The following FANCA variants were observed in gnomAD, a reference collection of about 807,000 sequenced individuals.
The protein encoded by FANCA is Fanconi anemia group A protein.
A neutral mutation model predicts 194.3 loss-of-function variants in FANCA; 236 were observed. The ratio of observed to expected loss-of-function variants is 1.21; its 90% confidence interval spans 1.09 to 1.35. The LOEUF is 1.35. FANCA is among the 40% of genes most tolerant of loss of function. The probability of loss-of-function intolerance (pLI) is 0.00; values close to 1 mark genes in which losing one functional copy is unlikely to be tolerated. For missense variants in FANCA, 2,628 were observed against 1,813.9 expected (o/e 1.45, Z -8.15); for synonymous variants, 1,014 against 715.8 (o/e 1.42, Z -6.65).
In FANCA at chr16:89,768,937, G is replaced by A. The variant is rs868398905; in HGVS notation, c.2504+900C>T. The stretch of plus-strand genomic sequence containing the variant: ...CCCAGTACTCAGTGTTTGGGGCCTG[G>A]GGTGAGTGGGGACTGTCTGGTGTGG... On this transcript the variant is annotated intron_variant, in intron 26 of 42. Coordinates refer to ENST00000389301, the MANE Select transcript of FANCA (RefSeq NM_000135.4). Among the ~76,000 whole-genome samples the A allele has an allele frequency of 2.6e-5, 4 of 152,140 alleles. No homozygotes were observed. The Middle Eastern group carries it at 0.01, about 388-fold the overall frequency.
At chr16:89,789,840 T>C (rs2143512490) in intron 14 of FANCA, among the ~76,000 whole-genome samples, 1 of 152,244 alleles carries the variant, frequency 6.6e-6, no homozygotes, top group African/African-American at 2.4e-5. Flanking sequence ...ATATCTCAAA[T>C]ACACCCAACT....
Position 89,755,120 on chromosome 16 carries a change from T to C in FANCA, c.2982-2898A>G, listed in dbSNP as rs149085161. 1.5e-3 allele frequency among the ~76,000 whole-genome samples: 228 copies of C among 152,140 alleles called. 1 individual carries two copies. Among genetic ancestry groups the C allele is most frequent in the African/African-American group, 4.9e-3 (202 of 41,490 alleles). On this transcript the variant is annotated intron_variant, in intron 30 of 42. Transcript: ENST00000389301. ...ACTTTTGACAAGGGTGCCAAGACCA[T>C]TCAGTGGGGAAAGAAGTGTTTTCAA...
chr16:89,799,853 C>T (rs1451410919), intron 8 of FANCA, among the ~76,000 whole-genome samples: 2 of 152,170 alleles, frequency 1.3e-5, no homozygotes, highest in African/African-American at 2.4e-5. Flanking sequence ...ATTAGCCGGG[C>T]GCAGTGGCGG....
In FANCA at chr16:89,802,639, G is replaced by C. The variant is rs149227385; in HGVS notation, c.792+620C>G. On this transcript the variant is annotated intron_variant, in intron 8 of 42. Transcript: ENST00000389301. ...AGGATGGTCTCGATCTCCTGACCTTGTGATCCGCCCGCCTCGTCCTCCCAA... is the reference window on the plus strand; with the variant it reads ...AGGATGGTCTCGATCTCCTGACCTTCTGATCCGCCCGCCTCGTCCTCCCAA... Among the ~76,000 whole-genome samples, 832 of 151,948 alleles carry C rather than the reference G, an allele frequency of 5.5e-3. 6 individuals are homozygous for C. The highest frequency in any genetic ancestry group is 0.019 in the African/African-American group (803 of 41,418).
chr16:89,776,926 G>A (rs2039526082), intron 20 of FANCA, among the ~76,000 whole-genome samples: 1 of 151,926 alleles, frequency 6.6e-6, no homozygotes, highest in East Asian at 1.9e-4. Context: ...CATGATAAAG[G>A]GTAAGCCAGG....
chr16:89,747,690 G>C (rs750143384), intron 33 of FANCA, among the ~76,000 whole-genome samples: 1 of 151,994 alleles, frequency 6.6e-6, no homozygotes, highest in Non-Finnish European at 1.5e-5. Context: ...GACAGAGCAA[G>C]ACTCTGTCTC....
intron 28 of FANCA, chr16:89,762,804 T>C (rs1051487767): frequency 9.0e-6 from 4 of 445,826 alleles, no homozygotes; most frequent in Non-Finnish European, 1.8e-5. Context: ...CTAAGTTTTT[T>C]AAAAACATTT....
chr16:89,781,256 C>T (rs555212284), intron 17 of FANCA, among the ~76,000 whole-genome samples: 4 of 143,180 alleles, frequency 2.8e-5, no homozygotes, highest in African/African-American at 1.0e-4. Context: ...CCCAGCTACT[C>T]GGGAGGCTGA....
At chr16:89,758,527 C>A in intron 30 of FANCA, 50 bp downstream of exon 30, 1 of 1,601,192 alleles carries the variant, frequency 6.2e-7, no homozygotes, top group Non-Finnish European at 8.5e-7. Flanking sequence ...TATATATATC[C>A]TATTAGTCCT....
At chr16:89,788,138 G>A (rs773324995) in intron 14 of FANCA, among the ~76,000 whole-genome samples, 2 of 152,132 alleles carry the variant, frequency 1.3e-5, no homozygotes, top group Non-Finnish European at 2.9e-5. Context: ...CTCCCACAGT[G>A]CTGGTATTTG....
intron 30 of FANCA, among the ~76,000 whole-genome samples, chr16:89,753,186 C>A (rs1013562816): frequency 2.0e-5 from 3 of 152,210 alleles, no homozygotes; most frequent in Admixed American, 2.0e-4. Flanking sequence ...CAGGCAGGGA[C>A]GGGCCCCCTG....
At chr16:89,759,103 G>A (rs1358853220) in intron 29 of FANCA, among the ~76,000 whole-genome samples, 4 of 151,220 alleles carry the variant, frequency 2.6e-5, no homozygotes, top group African/African-American at 7.3e-5. Context: ...GGCGGATCAC[G>A]AGGTTAGGAG....
chr16:89,798,255 C>T, intron 10 of FANCA: 2 of 849,616 alleles, frequency 2.4e-6, no homozygotes, highest in Non-Finnish European at 2.9e-6. Context: ...TGACCTCCAA[C>T]TTCCAGCCTC....
intron 28 of FANCA, chr16:89,762,795 T>C (rs762504232): frequency 1.1e-5 from 5 of 447,928 alleles, no homozygotes; most frequent in South Asian, 6.3e-5. Context: ...CATGACCAGC[T>C]AAGTTTTTTA....
intron 6 of FANCA, among the ~76,000 whole-genome samples, chr16:89,807,875 T>C (rs1175819776): frequency 6.6e-6 from 1 of 151,664 alleles, no homozygotes; most frequent in Non-Finnish European, 1.5e-5. Flanking sequence ...AGAACGAGAC[T>C]CTGTCCCTAA....
chr16:89,808,630 G>A (rs1165577223), intron 5 of FANCA, among the ~76,000 whole-genome samples: 5 of 152,082 alleles, frequency 3.3e-5, no homozygotes, highest in Admixed American at 6.6e-5. Flanking sequence ...CCTACGCACT[G>A]TAGCCTACTT....
chr16:89,764,097 T>C (rs1202336368), intron 28 of FANCA, among the ~76,000 whole-genome samples: 3 of 138,240 alleles, frequency 2.2e-5, no homozygotes, highest in Middle Eastern at 0.011. Flanking sequence ...CCAAAATTAG[T>C]CGGGCGTGGT....
intron 18 of FANCA, 65 bp downstream of exon 18, chr16:89,779,804 C>T: frequency 1.5e-6 from 2 of 1,333,284 alleles, no homozygotes; most frequent in Non-Finnish European, 2.2e-6. Context: ...GCACATACTG[C>T]AGGCATCAGA....
At chr16:89,755,548 A>C (rs1037427022) in intron 30 of FANCA, among the ~76,000 whole-genome samples, 1 of 152,222 alleles carries the variant, frequency 6.6e-6, no homozygotes, top group African/African-American at 2.4e-5. Context: ...AATCCTAAAG[A>C]GCTAAACTAA....
Sources: gnomAD v4.1 joint callset for allele counts (sites outside exome capture counted in the v4.1 genomes callset) on GRCh38, gnomAD v4.1.1 for gene constraint, MANE v1.5 for transcripts, NCBI Gene and HGNC (gene_info 2026-07-23, HGNC 2026-07-21) for gene names.